Variants in SPMIP11 observed in about 807,000 individuals in gnomAD.
SPMIP11 encodes sperm microtubule inner protein 11.
At chr12:48,771,243 A>T in the SPMIP11 span, 1 of 528,756 alleles carries the variant, frequency 1.9e-6, no homozygotes, top group Admixed American at 3.2e-5. The surrounding 1 kb of genome is among the most constrained non-coding windows in gnomAD (Gnocchi z 4.3). Flanking sequence ...CAATTTCTCC[A>T]ATCCTTACCT....
the SPMIP11 span, among the ~76,000 whole-genome samples, chr12:48,749,261 C>CAA: frequency 5.4e-4 from 70 of 129,468 alleles, 3 homozygotes; most frequent in South Asian, 8.9e-3. Context: ...GACTCAGTCT[C>CAA]AAAAAAAAAA....
chr12:48,738,137 T>A, the SPMIP11 span, among the ~76,000 whole-genome samples: 1 of 152,218 alleles, frequency 6.6e-6, no homozygotes, highest in African/African-American at 2.4e-5. Flanking sequence ...ATTTTATTTA[T>A]CTTCATCATC....
At chr12:48,728,441 G>C in the SPMIP11 span, among the ~76,000 whole-genome samples, 1 of 152,202 alleles carries the variant, frequency 6.6e-6, no homozygotes, top group East Asian at 1.9e-4. Context: ...GGGTGCGGTG[G>C]CTCACGCCTG....
chr12:48,734,281 C>T, the SPMIP11 span, among the ~76,000 whole-genome samples: 1 of 151,288 alleles, frequency 6.6e-6, no homozygotes, highest in Non-Finnish European at 1.5e-5. Context: ...CCCCACCCTG[C>T]TAATTTTTTT....
the SPMIP11 span, among the ~76,000 whole-genome samples, chr12:48,746,920 CAA>C: frequency 7.6e-6 from 1 of 131,768 alleles, no homozygotes; most frequent in Non-Finnish European, 1.6e-5. Context: ...GACTCTGTCT[CAA>C]AAAAAAAAAA....
At chr12:48,769,102 G>C in the SPMIP11 span, 1 of 1,552,784 alleles carries the variant, frequency 6.4e-7, no homozygotes, top group Non-Finnish European at 8.7e-7. Flanking sequence ...GGATGCTCCA[G>C]GGTAAACCCA....
the SPMIP11 span, chr12:48,769,162 T>C: frequency 7.8e-7 from 1 of 1,278,310 alleles, no homozygotes; most frequent in Non-Finnish European, 1.0e-6. Flanking sequence ...GAGAAAAAAA[T>C]GGAAAAAGGA....
chr12:48,739,173 A>G, the SPMIP11 span, among the ~76,000 whole-genome samples: 1 of 152,072 alleles, frequency 6.6e-6, no homozygotes, highest in Non-Finnish European at 1.5e-5. Flanking sequence ...TACTCACCTC[A>G]AATAACTAGT....
the SPMIP11 span, among the ~76,000 whole-genome samples, chr12:48,740,381 C>A: frequency 6.6e-6 from 1 of 152,048 alleles, no homozygotes; most frequent in Non-Finnish European, 1.5e-5. Context: ...CTCCTAACAA[C>A]AACTCACCAT....
At chr12:48,750,169 G>C in the SPMIP11 span, among the ~76,000 whole-genome samples, 2 of 152,062 alleles carry the variant, frequency 1.3e-5, no homozygotes, top group Non-Finnish European at 2.9e-5. Flanking sequence ...CTGGGCAACA[G>C]AGTGAGACCT....
chr12:48,771,224 A>G, the SPMIP11 span: 2 of 552,464 alleles, frequency 3.6e-6, no homozygotes, highest in African/African-American at 3.8e-5. This position sits in a 1 kb window ranked among gnomAD's most constrained non-coding sequence, Gnocchi z 4.3. Flanking sequence ...CCACAAGTGC[A>G]ATATTAAGCA....
the SPMIP11 span, chr12:48,759,174 G>T: frequency 4.3e-6 from 3 of 701,706 alleles, no homozygotes; most frequent in Admixed American, 6.0e-5. Context: ...ATAGTCATTT[G>T]CCAAGTACTC....
At chr12:48,742,133 T>C in the SPMIP11 span, among the ~76,000 whole-genome samples, 1 of 152,158 alleles carries the variant, frequency 6.6e-6, no homozygotes, top group Non-Finnish European at 1.5e-5. Context: ...CAGGTTGGTC[T>C]CGAGCCCCTG....
chr12:48,730,940 G>C, the SPMIP11 span, among the ~76,000 whole-genome samples: 1 of 151,772 alleles, frequency 6.6e-6, no homozygotes. Context: ...CTCTGTCCCC[G>C]CCCCCCAAAA....
chr12:48,757,778 G>C, the SPMIP11 span, among the ~76,000 whole-genome samples: 12 of 151,984 alleles, frequency 7.9e-5, no homozygotes, highest in African/African-American at 2.9e-4. Context: ...AGGATCACAT[G>C]AGGCCAGGAA....
At chr12:48,756,548 A>G in the SPMIP11 span, among the ~76,000 whole-genome samples, 1 of 152,208 alleles carries the variant, frequency 6.6e-6, no homozygotes, top group Non-Finnish European at 1.5e-5. Context: ...AGAAAAAAGC[A>G]GGAGCTGGGG....
chr12:48,747,413 G>A, the SPMIP11 span, among the ~76,000 whole-genome samples: 1 of 152,142 alleles, frequency 6.6e-6, no homozygotes, highest in Non-Finnish European at 1.5e-5. Flanking sequence ...ATTCAAAATT[G>A]AGAAAAAATT....
chr12:48,754,268 G>A, the SPMIP11 span, among the ~76,000 whole-genome samples: 1 of 152,006 alleles, frequency 6.6e-6, no homozygotes, highest in African/African-American at 2.4e-5. Context: ...AGCCAGGCAT[G>A]GTGGCACATG....
At chr12:48,740,228 C>G in the SPMIP11 span, among the ~76,000 whole-genome samples, 196 of 152,312 alleles carry the variant, frequency 1.3e-3, no homozygotes, top group African/African-American at 4.6e-3. Context: ...AAGAATTTCT[C>G]TACACCCTTT....
Sources: allele counts gnomAD v4.1 joint callset (sites outside exome capture counted in the v4.1 genomes callset), GRCh38; gene constraint gnomAD v4.1.1; non-coding constraint Gnocchi (gnomAD v3.1); transcripts MANE v1.5; gene names NCBI Gene and HGNC (gene_info 2026-07-23, HGNC 2026-07-21).